Variants in IYD observed in about 807,000 individuals in gnomAD.
IYD encodes iodotyrosine deiodinase 1.
Under a neutral mutation model 28.4 loss-of-function variants are expected in IYD, and 25 were observed. The observed-to-expected ratio is 0.88, with a 90% CI of 0.64 to 1.23. The LOEUF (loss-of-function observed/expected upper bound fraction) is 1.23, where lower values mean the gene tolerates loss of function less well. IYD is among the 50% of genes most tolerant of loss of function. IYD has a pLI of 0.00. For missense variants in IYD, 352 were observed against 357.9 expected (o/e 0.98, Z 0.13); for synonymous variants, 140 against 130.8 (o/e 1.07, Z -0.48).
At chr6:150,394,291 A>T (rs762133908) in intron 4 of IYD, 36 bp downstream of exon 4, 39 of 1,611,644 alleles carry the variant, frequency 2.4e-5, no homozygotes, top group Non-Finnish European at 3.3e-5. Context: ...GGGTGGCCTT[A>T]TTAGAACATT....
intron 4 of IYD, chr6:150,395,665 T>C (rs1343471043): frequency 3.0e-6 from 3 of 992,946 alleles, no homozygotes; most frequent in Admixed American, 4.0e-5. Flanking sequence ...TGATTAGTGA[T>C]GGAGGAAAGA....
At chr6:150,377,470 T>C (rs1777490995) in intron 1 of IYD, among the ~76,000 whole-genome samples, 1 of 152,192 alleles carries the variant, frequency 6.6e-6, no homozygotes, top group Non-Finnish European at 1.5e-5. Flanking sequence ...GCTCCAGGAA[T>C]GGCAGCCCGG....
chr6:150,374,953 A>G (rs630632), intron 1 of IYD, among the ~76,000 whole-genome samples: 108,406 of 151,800 alleles, frequency 0.71, 40,007 homozygotes, highest in Middle Eastern at 0.83. Context: ...TTTGCTCTGA[A>G]GTTGGCATGC....
chr6:150,392,556 A>G (rs1400834179), intron 3 of IYD, 52 bp downstream of exon 3: 1 of 1,557,398 alleles, frequency 6.4e-7, no homozygotes, highest in Admixed American at 1.7e-5. Context: ...TTAAAATAAA[A>G]TCACCACCAC....
intron 1 of IYD, among the ~76,000 whole-genome samples, chr6:150,373,552 G>A (rs562105175): frequency 3.3e-4 from 50 of 152,282 alleles, no homozygotes; most frequent in Non-Finnish European, 5.3e-4. Flanking sequence ...ATACTAGGGC[G>A]AGTCTCTGGG....
chr6:150,388,016 T>A (rs805992), intron 1 of IYD, among the ~76,000 whole-genome samples: 2 of 151,944 alleles, frequency 1.3e-5, no homozygotes, highest in Non-Finnish European at 2.9e-5. Context: ...ATTCTGCTGT[T>A]TCTTGTCCAA....
rs1778432311 is a variant in IYD, at chr6:150,399,187, G to T, written c.*950G>T. The stretch of plus-strand genomic sequence containing the variant: ...AGATCTGACTTGTAAGCAGTTCATA[G>T]AAGCTGCTCAATACTCAAGAATCTT... On this transcript the variant is annotated 3_prime_UTR_variant, in exon 5 of 5. Coordinates refer to ENST00000344419, the MANE Select transcript of IYD (RefSeq NM_203395.3). The T allele has an allele frequency of 6.6e-6, 1 of 152,244 alleles. No individual in the cohort carries two copies. The highest frequency in any genetic ancestry group is 6.5e-5 in the Admixed American group (1 of 15,280). The allele number at this position is 152,244 out of a possible 1,614,324, so 9.4% of individuals were successfully genotyped here.
At chr6:150,396,551 T>C in intron 4 of IYD, 1 of 670,868 alleles carries the variant, frequency 1.5e-6, no homozygotes. Flanking sequence ...AAAATGACAC[T>C]AAATTAAGGT....
At chr6:150,394,782 C>T (rs1282443207) in intron 4 of IYD, among the ~76,000 whole-genome samples, 1 of 152,210 alleles carries the variant, frequency 6.6e-6, no homozygotes, top group Non-Finnish European at 1.5e-5. Flanking sequence ...TCAAACTATT[C>T]ATGCATTCAC....
In IYD at chr6:150,399,853, T is replaced by A. The variant is rs659737; in HGVS notation, c.*1616T>A. The A allele has an allele frequency of 0.88, 133,748 of 152,112 alleles. 59,051 individuals carry two copies. The highest frequency in any genetic ancestry group is 0.93 in the Non-Finnish European group (63,372 of 68,072). The allele number at this position is 152,112 out of a possible 1,614,324, so 9.4% of individuals were successfully genotyped here. A position where few individuals can be genotyped will look rare whatever the true frequency, so the allele number is the denominator to read the frequency against. The stretch of plus-strand genomic sequence containing the variant: ...GTACTAATCCCATCATGAGGCCCCG[T>A]CCTTATGACCTCATCACCTCCCAAA... On this transcript the variant is annotated 3_prime_UTR_variant, in exon 5 of 5. Transcript: ENST00000344419.
intron 4 of IYD, 75 bp downstream of exon 4, chr6:150,394,330 T>C (rs1778233724): frequency 8.4e-6 from 13 of 1,551,472 alleles, no homozygotes; most frequent in South Asian, 3.4e-5. Flanking sequence ...CAGGGACATT[T>C]GGAAATTTTT....
intron 1 of IYD, chr6:150,370,595 A>T (rs1777205275): frequency 1.0e-6 from 1 of 985,172 alleles, no homozygotes; most frequent in African/African-American, 1.7e-5. Flanking sequence ...AACCTCTTCC[A>T]CTCAGAACGT....
At chr6:150,383,002 A>AT (rs375907732) in intron 1 of IYD, among the ~76,000 whole-genome samples, 33 of 152,140 alleles carry the variant, frequency 2.2e-4, no homozygotes, top group African/African-American at 7.5e-4. Flanking sequence ...ATACATTGTT[A>AT]TTTTTCATTG....
chr6:150,381,010 T>C (rs896863137), intron 1 of IYD, among the ~76,000 whole-genome samples: 3 of 152,144 alleles, frequency 2.0e-5, no homozygotes, highest in Non-Finnish European at 4.4e-5. Context: ...GGTTTACAAT[T>C]TTACACTGTC....
rs1778465148 is a variant in IYD, at chr6:150,400,098, T to G, written c.*1861T>G. On this transcript the variant is annotated 3_prime_UTR_variant, in exon 5 of 5. Coordinates refer to ENST00000344419, the MANE Select transcript of IYD (RefSeq NM_203395.3). ...TTCAGGTGAACAAATGTAACGTGGG[T>G]GGGTGAGGGACTCCCTCCTCTTCAG... The G allele has an allele frequency of 6.6e-6, 1 of 152,110 alleles. No individual in the cohort carries two copies. Among genetic ancestry groups the G allele is most frequent in the Non-Finnish European group, 1.5e-5 (1 of 68,024 alleles). The allele number at this position is 152,110 out of a possible 1,614,324, so 9.4% of individuals were successfully genotyped here. A position where few individuals can be genotyped will look rare whatever the true frequency, so the allele number is the denominator to read the frequency against.
chr6:150,372,139 T>C (rs983100493), intron 1 of IYD, among the ~76,000 whole-genome samples: 1 of 152,214 alleles, frequency 6.6e-6, no homozygotes, highest in Admixed American at 6.5e-5. Flanking sequence ...ATAAGTATTG[T>C]AGGCCATTCT....
chr6:150,390,544 C>T (rs963185485), intron 2 of IYD, among the ~76,000 whole-genome samples: 1 of 152,192 alleles, frequency 6.6e-6, no homozygotes, highest in African/African-American at 2.4e-5. Flanking sequence ...ATTTCCCAAG[C>T]CAGCTGTGAC....
In IYD at chr6:150,379,590, A is replaced by G. The variant is rs114390718; in HGVS notation, c.179-9762A>G. Among the ~76,000 whole-genome samples, 1,108 of 152,348 alleles carry G rather than the reference A, an allele frequency of 7.3e-3. 25 individuals carry two copies. Among genetic ancestry groups the G allele is most frequent in the African/African-American group, 0.026 (1,076 of 41,582 alleles). On this transcript the variant is annotated intron_variant, in intron 1 of 4. Transcript: ENST00000344419. ...CATACATTTGCTGCTTTGTTTAAAT[A>G]TATAAGGAATAAGGTTATTGTTCCA... is the stretch of plus-strand genomic sequence containing the variant.
chr6:150,375,783 G>A (rs1023740553), intron 1 of IYD, among the ~76,000 whole-genome samples: 1 of 152,200 alleles, frequency 6.6e-6, no homozygotes, highest in Non-Finnish European at 1.5e-5. Context: ...GAGCCCTGAA[G>A]TGGCTCCCAT....
Sources: gnomAD v4.1 joint callset for allele counts (sites outside exome capture counted in the v4.1 genomes callset) on GRCh38, gnomAD v4.1.1 for gene constraint, MANE v1.5 for transcripts, NCBI Gene and HGNC (gene_info 2026-07-23, HGNC 2026-07-21) for gene names.